KCNAB1: variants seen among roughly 807,000 people sequenced by gnomAD.
KCNAB1 encodes potassium voltage-gated channel subfamily A regulatory beta subunit 1, also known as voltage-gated potassium channel subunit beta-1.
In KCNAB1, 35 loss-of-function variants were observed where a neutral mutation model predicts 64.6. The ratio of observed to expected loss-of-function variants is 0.54; its 90% CI spans 0.41 to 0.72. KCNAB1 has a LOEUF of 0.72. KCNAB1 is among the 30% of genes least tolerant of loss of function. The probability of loss-of-function intolerance (pLI) is 0.00; values close to 1 mark genes in which losing one functional copy is unlikely to be tolerated. For missense variants in KCNAB1, 401 were observed against 512.9 expected, an observed-to-expected ratio of 0.78 and a Z score of 2.11; for synonymous variants, 177 against 183.8, an observed-to-expected ratio of 0.96 and a Z score of 0.30.
intron 1 of KCNAB1, among the ~76,000 whole-genome samples, chr3:156,341,618 G>C (rs1724122144): frequency 6.6e-6 from 1 of 152,070 alleles, no homozygotes; most frequent in Admixed American, 6.6e-5. Context: ...CTGCATCCAG[G>C]CATCTGGGCT....
rs1172082685 is a variant in KCNAB1, at chr3:156,283,161, G to T, written c.276-138455G>T. 9.3e-4 allele frequency among the ~76,000 whole-genome samples: 141 copies of T among 151,610 alleles called. 1 individual carries two copies. The Middle Eastern group carries it at 0.014, about 15-fold the overall frequency. On this transcript the variant is annotated intron_variant, in intron 1 of 13. Coordinates refer to ENST00000490337, the MANE Select transcript of KCNAB1 (RefSeq NM_172160.3). ...CAGGAGCTCTTGTAAGGCAGGCCTG[G>T]TGGTGACAAAATCTCTCAGCATTTG... is the stretch of plus-strand genomic sequence containing the variant.
chr3:156,289,461 G>A (rs142184546), intron 1 of KCNAB1, among the ~76,000 whole-genome samples: 170 of 152,118 alleles, frequency 1.1e-3, no homozygotes, highest in Non-Finnish European at 2.1e-3. Context: ...CTGATGAGCC[G>A]GCTGAGTGTG....
intron 1 of KCNAB1, among the ~76,000 whole-genome samples, chr3:156,244,234 A>G (rs1425177340): frequency 1.3e-5 from 2 of 152,170 alleles, no homozygotes; most frequent in Admixed American, 1.3e-4. Context: ...CCAGATTCTA[A>G]GGTCACGTCC....
At chr3:156,233,657 A>G (rs972327408) in intron 1 of KCNAB1, among the ~76,000 whole-genome samples, 1 of 152,132 alleles carries the variant, frequency 6.6e-6, no homozygotes. Flanking sequence ...CCTGTTAGAA[A>G]GCTCCTGCTG....
chr3:156,276,425 A>G (rs1719350910), intron 1 of KCNAB1, among the ~76,000 whole-genome samples: 1 of 152,136 alleles, frequency 6.6e-6, no homozygotes, highest in Non-Finnish European at 1.5e-5. Flanking sequence ...ATTAGCCCCT[A>G]TTAAGAGAGT....
chr3:156,120,665 C>A lies in KCNAB1; in HGVS notation c.54C>A (p.Thr18=). Residue 18 remains threonine (T), a synonymous_variant, in exon 1 of 14, where the codon ACC becomes ACA. Coordinates refer to ENST00000490337, the MANE Select transcript of KCNAB1 (RefSeq NM_172160.3). ...GGAGTCAGATCTCAGAGGAGAACAC[C>A]AAGTTAAGGAGACAGTCTGGGTTTT... is the stretch of plus-strand genomic sequence containing the variant. ...AAGSQISEEN[T]KLRRQSGFSV... 5.0e-6 allele frequency: 8 copies of A among 1,614,200 alleles called. No homozygotes were observed. The highest frequency in any genetic ancestry group is 6.8e-6 in the Non-Finnish European group (8 of 1,180,036).
intron 1 of KCNAB1, among the ~76,000 whole-genome samples, chr3:156,216,561 A>G (rs1240089085): frequency 1.3e-5 from 2 of 152,232 alleles, no homozygotes; most frequent in African/African-American, 2.4e-5. Flanking sequence ...TAGAATGAAT[A>G]ACATTTGACA....
At chr3:156,297,741 T>C (rs1286750994) in intron 1 of KCNAB1, among the ~76,000 whole-genome samples, 1 of 152,050 alleles carries the variant, frequency 6.6e-6, no homozygotes, top group Non-Finnish European at 1.5e-5. Context: ...CAGCCAATTA[T>C]GTAAAAGGCA....
intron 1 of KCNAB1, among the ~76,000 whole-genome samples, chr3:156,397,579 G>C (rs1393907858): frequency 6.6e-6 from 1 of 152,064 alleles, no homozygotes; most frequent in Non-Finnish European, 1.5e-5. Context: ...ATAACAGTTT[G>C]GCTCACAGTC....
At chr3:156,320,763 A>G (rs1456965587) in intron 1 of KCNAB1, among the ~76,000 whole-genome samples, 2 of 152,118 alleles carry the variant, frequency 1.3e-5, no homozygotes, top group African/African-American at 4.8e-5. Context: ...AAGCATGGGG[A>G]AGTTCTCCTC....
rs868383954 is a variant in KCNAB1 at position 156,279,415 on chromosome 3, C to T, written c.276-142201C>T. On this transcript the variant is annotated intron_variant, in intron 1 of 13. Transcript: ENST00000490337. ...AAGTCTTTGCTATTGTGAATAATGC[C>T]GCAATAAACATACGGGTGCATGTGT... Among the ~76,000 whole-genome samples the T allele has an allele frequency of 1.1e-3, 164 of 152,158 alleles. 2 individuals carry two copies. The South Asian group carries it at 0.014, about 13-fold the overall frequency.
chr3:156,232,091 C>T (rs892039177), intron 1 of KCNAB1, among the ~76,000 whole-genome samples: 8 of 152,160 alleles, frequency 5.3e-5, no homozygotes, highest in African/African-American at 1.9e-4. Context: ...CCTTATTCAA[C>T]ATCAAACACT....
intron 1 of KCNAB1, among the ~76,000 whole-genome samples, chr3:156,315,013 A>C (rs894186964): frequency 6.7e-6 from 1 of 150,256 alleles, no homozygotes; most frequent in East Asian, 2.0e-4. Context: ...GACTCCATCT[A>C]AAAAAAAAAT....
chr3:156,261,431 G>A (rs1576655254), intron 1 of KCNAB1, among the ~76,000 whole-genome samples: 1 of 151,828 alleles, frequency 6.6e-6, no homozygotes, highest in Middle Eastern at 3.2e-3. Context: ...TGAGGGAAGG[G>A]CCTAAGTAAT....
At chr3:156,239,826 C>T (rs1336192492) in intron 1 of KCNAB1, among the ~76,000 whole-genome samples, 1 of 152,162 alleles carries the variant, frequency 6.6e-6, no homozygotes, top group East Asian at 1.9e-4. Flanking sequence ...TTTCATGTCT[C>T]CTGTACCCCA....
chr3:156,165,277 CAAAAAAAAA>C (rs35419424), intron 1 of KCNAB1, among the ~76,000 whole-genome samples: 7 of 27,134 alleles, frequency 2.6e-4, no homozygotes, highest in African/African-American at 3.0e-4. Context: ...GACTCCGTCT[CAAAAAAAAA>C]AAAAAAAAAA....
chr3:156,312,865 T>C (rs1462446417), intron 1 of KCNAB1, among the ~76,000 whole-genome samples: 1 of 152,104 alleles, frequency 6.6e-6, no homozygotes, highest in Non-Finnish European at 1.5e-5. Context: ...TGGAAATTTC[T>C]CTCAAGGCAG....
At chr3:156,482,249 A>C (rs1714872509) in intron 8 of KCNAB1, among the ~76,000 whole-genome samples, 1 of 151,838 alleles carries the variant, frequency 6.6e-6, no homozygotes. Context: ...TTATTTTCAA[A>C]GATGTCTCTA....
At chr3:156,295,453 G>A (rs1421792172) in intron 1 of KCNAB1, among the ~76,000 whole-genome samples, 2 of 152,194 alleles carry the variant, frequency 1.3e-5, no homozygotes, top group African/African-American at 4.8e-5. Context: ...TGAGATTTTA[G>A]AAAGAATTAA....
Sources: allele counts gnomAD v4.1 joint callset (sites outside exome capture counted in the v4.1 genomes callset), GRCh38; gene constraint gnomAD v4.1.1; transcripts MANE v1.5; gene names NCBI Gene and HGNC (gene_info 2026-07-23, HGNC 2026-07-21).